Variants in FAM135B observed in about 807,000 individuals in gnomAD.
FAM135B encodes the protein protein FAM135B.
FAM135B carries 43 observed loss-of-function variants against 127.7 expected under a neutral mutation model. The ratio of observed to expected loss-of-function variants is 0.34; its 90% confidence interval spans 0.26 to 0.43. The LOEUF is 0.43. Among genes scored for constraint, FAM135B ranks in the 20% least tolerant of loss-of-function variants. The probability of loss-of-function intolerance (pLI) is 1.00; values close to 1 mark genes in which losing one functional copy is unlikely to be tolerated. For missense variants in FAM135B, 1,558 were observed against 1,725.6 expected (o/e 0.90, Z 1.72); for synonymous variants, 670 against 665.1 (o/e 1.01, Z -0.11).
rs931982349 is a variant in FAM135B, at chr8:138,392,341, T to G, written c.-19-24339A>C. 2.6e-5 allele frequency among the ~76,000 whole-genome samples: 4 copies of G among 152,160 alleles called. No individual in the cohort carries two copies. The South Asian group carries it at 8.3e-4, about 32-fold the overall frequency. On this transcript the variant is annotated intron_variant, in intron 1 of 19. Transcript: ENST00000395297. ...AGCACTTTGCTTCCTGTGAAGATAA[T>G]AGCTAATTGGAGTAATTCACACTAA... is the stretch of plus-strand genomic sequence containing the variant.
intron 4 of FAM135B, among the ~76,000 whole-genome samples, chr8:138,264,577 G>A (rs1222988960): frequency 2.0e-5 from 3 of 152,142 alleles, no homozygotes; most frequent in Admixed American, 2.0e-4. Context: ...GTGATATATT[G>A]ATCTAATATT....
intron 4 of FAM135B, among the ~76,000 whole-genome samples, chr8:138,261,898 G>T (rs1405588374): frequency 6.6e-6 from 1 of 152,204 alleles, no homozygotes; most frequent in Non-Finnish European, 1.5e-5. Flanking sequence ...CTGGCTATCA[G>T]CAGTGTTTTG....
At chr8:138,320,658 A>C (rs1165592040) in intron 2 of FAM135B, among the ~76,000 whole-genome samples, 1 of 152,230 alleles carries the variant, frequency 6.6e-6, no homozygotes, top group African/African-American at 2.4e-5. Context: ...TCAGTTGATT[A>C]GAGAAATATC....
chr8:138,332,720 T>TTGGG (rs1283669322), intron 2 of FAM135B, among the ~76,000 whole-genome samples: 1 of 151,896 alleles, frequency 6.6e-6, no homozygotes, highest in Non-Finnish European at 1.5e-5. Flanking sequence ...CGGGCAGGAT[T>TTGGG]TAGGGGCCTA....
intron 1 of FAM135B, among the ~76,000 whole-genome samples, chr8:138,476,384 G>A: frequency 6.6e-6 from 1 of 151,980 alleles, no homozygotes; most frequent in East Asian, 1.9e-4. Flanking sequence ...ATTTGTCAGT[G>A]TAGGTTCATT....
At chr8:138,267,030 A>T (rs1416766126) in intron 3 of FAM135B, among the ~76,000 whole-genome samples, 1 of 152,228 alleles carries the variant, frequency 6.6e-6, no homozygotes, top group Non-Finnish European at 1.5e-5. Context: ...CTCAAAGCAG[A>T]GGCAGGTGCC....
intron 12 of FAM135B, among the ~76,000 whole-genome samples, chr8:138,154,504 G>A (rs1386406021): frequency 6.6e-6 from 1 of 152,090 alleles, no homozygotes; most frequent in Non-Finnish European, 1.5e-5. Context: ...CCAGGCCAAA[G>A]GAGGATGTTC....
chr8:138,216,033 G>A (rs1818516503), intron 7 of FAM135B, among the ~76,000 whole-genome samples: 1 of 152,128 alleles, frequency 6.6e-6, no homozygotes, highest in South Asian at 2.1e-4. Context: ...AACAAACTAT[G>A]TTACAGTGAA....
intron 2 of FAM135B, among the ~76,000 whole-genome samples, chr8:138,319,192 T>C (rs183075931): frequency 0.026 from 3,901 of 152,220 alleles, 154 homozygotes; most frequent in African/African-American, 0.084. Flanking sequence ...CTGCAACCTC[T>C]GCCTCCCAGG....
rs772204186 is a variant in FAM135B, at chr8:138,243,105, TAAAG to T, written c.543-41_543-38del. ...ATAATTGAAAGGGTGAAAAAGGAGG[TAAAG>T]AAAGTGATGGTGCCATTAACTCAGC... On this transcript the variant is annotated intron_variant, in intron 6 of 19. Coordinates refer to ENST00000395297, the MANE Select transcript of FAM135B (RefSeq NM_015912.4). This position sits in a 1 kb window ranked among gnomAD's most constrained non-coding sequence, Gnocchi z 7.5. 3.7e-4 allele frequency: 583 copies of T among 1,585,170 alleles called. No homozygotes were observed. The highest frequency in any genetic ancestry group is 4.8e-4 in the Non-Finnish European group (565 of 1,166,978).
intron 1 of FAM135B, among the ~76,000 whole-genome samples, chr8:138,448,553 G>C (rs118101064): frequency 6.6e-6 from 1 of 151,974 alleles, no homozygotes; most frequent in South Asian, 2.1e-4. Context: ...CTGAAATATC[G>C]GCTCTTCCTG....
chr8:138,152,251 C>T lies in FAM135B; in HGVS notation c.2224G>A (p.Gly742Ser), dbSNP rs754183792. The T allele has an allele frequency of 6.8e-6, 11 of 1,613,980 alleles. No homozygotes were observed. The highest frequency in any genetic ancestry group is 2.2e-5 in the East Asian group (1 of 44,876). ...ATGGAGGTGAGAGAAGCCTGGATGC[C>T]GCTTGGCAAACTTGTGTTACTTTCT... ...HTESNTSLPSGIQASLTSISS... is the reference protein window; with the variant it reads ...HTESNTSLPSSIQASLTSISS... Residue 742 changes from glycine to serine, a missense_variant, in exon 13 of 20, where the codon GGC becomes AGC. This residue lies in a region of FAM135B where 923 missense variants were observed against 865.3 expected (regional missense o/e 1.07). Coordinates refer to ENST00000395297, the MANE Select transcript of FAM135B (RefSeq NM_015912.4).
intron 7 of FAM135B, among the ~76,000 whole-genome samples, chr8:138,210,236 C>A (rs1818034646): frequency 6.6e-6 from 1 of 152,122 alleles, no homozygotes; most frequent in Non-Finnish European, 1.5e-5. Context: ...TTATGCTTTT[C>A]TGATTTTAAT....
At chr8:138,175,036 A>T (rs1301622620) in intron 11 of FAM135B, among the ~76,000 whole-genome samples, 2 of 152,196 alleles carry the variant, frequency 1.3e-5, no homozygotes, top group Admixed American at 6.5e-5. Context: ...CTTTACACCT[A>T]AAAAAATTAG....
chr8:138,189,665 A>AC (rs1188794661), intron 9 of FAM135B, among the ~76,000 whole-genome samples: 2 of 152,128 alleles, frequency 1.3e-5, no homozygotes, highest in Non-Finnish European at 2.9e-5. Context: ...CAGCTCCTGT[A>AC]CCTGCTCACC....
At chr8:138,391,969 G>A (rs925580215) in intron 1 of FAM135B, among the ~76,000 whole-genome samples, 1 of 152,162 alleles carries the variant, frequency 6.6e-6, no homozygotes, top group Non-Finnish European at 1.5e-5. Context: ...AGAGGAGGAT[G>A]GGTCTCTCTC....
At chr8:138,235,490 C>T (rs1171318944) in intron 7 of FAM135B, among the ~76,000 whole-genome samples, 1 of 152,190 alleles carries the variant, frequency 6.6e-6, no homozygotes, top group Non-Finnish European at 1.5e-5. Flanking sequence ...ACTACATCCT[C>T]ATGAAAAGAA....
In FAM135B at chr8:138,152,638, G is replaced by A. The variant is rs766384721; in HGVS notation, c.1837C>T (p.His613Tyr). 6 of 1,614,036 alleles carry A rather than the reference G, an allele frequency of 3.7e-6. No individual in the cohort carries two copies. Among genetic ancestry groups the A allele is most frequent in the Non-Finnish European group, 5.1e-6 (6 of 1,180,032 alleles). ...NAISSDKTTLHELSTLGKGID... is the reference protein window; with the variant it reads ...NAISSDKTTLYELSTLGKGID... ...CCCTTTCCTAGAGTACTTAATTCAT[G>A]GAGAGTTGTTTTGTCTGAAGAGATG... is the stretch of plus-strand genomic sequence containing the variant. Residue 613 changes from histidine (H) to tyrosine (Y), a missense_variant, in exon 13 of 20, where the codon CAT becomes TAT. His to Tyr is a moderately conservative substitution (Grantham distance 83, BLOSUM62 2). This residue lies in a region of FAM135B where 923 missense variants were observed against 865.3 expected (regional missense o/e 1.07). Transcript: ENST00000395297.
At chr8:138,190,863 A>T (rs1239600291) in intron 9 of FAM135B, among the ~76,000 whole-genome samples, 1 of 152,158 alleles carries the variant, frequency 6.6e-6, no homozygotes, top group East Asian at 1.9e-4. Flanking sequence ...TCTACCTATG[A>T]TCTGGAAGCC....
Sources: gnomAD v4.1 joint callset for allele counts (sites outside exome capture counted in the v4.1 genomes callset) on GRCh38, gnomAD v4.1.1 for gene constraint, gnomAD v4.1.1 regional missense constraint, Gnocchi (gnomAD v3.1) non-coding constraint, MANE v1.5 for transcripts, NCBI Gene and HGNC (gene_info 2026-07-23, HGNC 2026-07-21) for gene names.